MAP4K1: variants seen among roughly 807,000 people sequenced by gnomAD.
MAP4K1 encodes the protein MAPK/ERK kinase kinase kinase 1.
A neutral mutation model predicts 122.8 loss-of-function variants in MAP4K1; 35 were observed. The observed-to-expected ratio is 0.29, with a 90% CI of 0.22 to 0.38. The LOEUF is 0.38. Ranked by LOEUF, MAP4K1 falls within the 10% of genes least tolerant of loss-of-function variation. The pLI is 1.00. For missense variants in MAP4K1, 791 were observed against 1,072.6 expected, an observed-to-expected ratio of 0.74 and a Z score of 3.67; for synonymous variants, 412 against 421.3, an observed-to-expected ratio of 0.98 and a Z score of 0.27.
intron 22 of MAP4K1, among the ~76,000 whole-genome samples, chr19:38,599,431 G>A (rs1974996227): frequency 6.6e-6 from 1 of 151,606 alleles, no homozygotes; most frequent in South Asian, 2.1e-4. Flanking sequence ...GGAGGCCAAG[G>A]CAGTTGGATC....
At chr19:38,605,784 G>T in intron 17 of MAP4K1, 54 bp from the exon 18 acceptor site, 1 of 1,531,300 alleles carries the variant, frequency 6.5e-7, no homozygotes, top group South Asian at 1.2e-5. Context: ...CTCAGAGAGG[G>T]CACCCTTTTG....
chr19:38,602,890 A>G (rs1298497454), intron 19 of MAP4K1, among the ~76,000 whole-genome samples: 1 of 149,448 alleles, frequency 6.7e-6, no homozygotes, highest in Non-Finnish European at 1.5e-5. Context: ...ACTTATATAC[A>G]CATGTACATA....
chr19:38,588,442 G>A (rs1360293958), intron 30 of MAP4K1, among the ~76,000 whole-genome samples: 2 of 152,032 alleles, frequency 1.3e-5, no homozygotes, highest in Admixed American at 1.3e-4. Flanking sequence ...TGTAATCCCA[G>A]CACTTTGGGA....
At chr19:38,607,788 A>C in intron 16 of MAP4K1, 76 bp downstream of exon 16, 1 of 1,511,996 alleles carries the variant, frequency 6.6e-7, no homozygotes, top group Non-Finnish European at 9.0e-7. Context: ...GAGTGGAGGA[A>C]AGGCCACATC....
At chr19:38,605,058 G>C (rs1215060403) in intron 19 of MAP4K1, among the ~76,000 whole-genome samples, 3 of 148,144 alleles carry the variant, frequency 2.0e-5, no homozygotes, top group Non-Finnish European at 4.4e-5. Context: ...CTGTACTCTA[G>C]CCTGGGCAAC....
Position 38,593,303 on chromosome 19 carries a change from A to T in MAP4K1, c.2375T>A (p.Phe792Tyr). 6.2e-7 allele frequency: 1 copy of T among 1,612,466 alleles called. No homozygotes were observed. The highest frequency in any genetic ancestry group is 8.5e-7 in the Non-Finnish European group (1 of 1,179,222). Reference sequence around the variant, plus strand: ...ATACCTGGGGGAGCCAAGCAGACGGAAAGTGAGGGTAGGGTCTCTCAGCTC... The same window carrying T: ...ATACCTGGGGGAGCCAAGCAGACGGTAAGTGAGGGTAGGGTCTCTCAGCTC... Reference protein sequence around the residue: ...LQELRDPTLTFRLLGSPRPVV... With the variant: ...LQELRDPTLTYRLLGSPRPVV... The change falls in exon 30 of 31, where the codon TTC (phenylalanine) becomes TAC (tyrosine). Residue 792 changes from phenylalanine (F) to tyrosine (Y), a missense_variant. This residue lies in a region of MAP4K1 where 267 missense variants were observed against 323.0 expected (regional missense o/e 0.83). Coordinates refer to ENST00000396857, the MANE Select transcript of MAP4K1 (RefSeq NM_001042600.3).
At chr19:38,601,916 C>G (rs1293843921) in intron 19 of MAP4K1, among the ~76,000 whole-genome samples, 1 of 151,660 alleles carries the variant, frequency 6.6e-6, no homozygotes, top group Non-Finnish European at 1.5e-5. Context: ...TAGCTGGGAC[C>G]AAAGGCGTGT....
intron 16 of MAP4K1, among the ~76,000 whole-genome samples, 186 bp downstream of exon 16, chr19:38,607,678 G>A (rs1387842206): frequency 6.6e-6 from 1 of 151,980 alleles, no homozygotes; most frequent in African/African-American, 2.4e-5. Flanking sequence ...GTGGGGTTAG[G>A]GAACAGGGCC....
At chr19:38,602,607 CATAT>C (rs879556292) in intron 19 of MAP4K1, among the ~76,000 whole-genome samples, 2 of 146,064 alleles carry the variant, frequency 1.4e-5, no homozygotes, top group Non-Finnish European at 3.0e-5. Flanking sequence ...TACGCATATA[CATAT>C]ATATACACAT....
chr19:38,599,347 C>CAAAAA (rs35011527), intron 22 of MAP4K1, among the ~76,000 whole-genome samples: 1 of 39,448 alleles, frequency 2.5e-5, no homozygotes, highest in African/African-American at 8.2e-5. Context: ...GACTCGGTCT[C>CAAAAA]AAAAAAAAAA....
At chr19:38,592,895 C>T (rs1258795857) in intron 30 of MAP4K1, among the ~76,000 whole-genome samples, 1 of 151,356 alleles carries the variant, frequency 6.6e-6, no homozygotes, top group Non-Finnish European at 1.5e-5. Flanking sequence ...CCAGCCTGGG[C>T]AACAAAAGCA....
Position 38,596,458 on chromosome 19 carries a change from A to G in MAP4K1, c.1970T>C (p.Leu657Pro). 1 of 1,578,702 alleles carries G rather than the reference A, an allele frequency of 6.3e-7. No individual in the cohort carries two copies. The highest frequency in any genetic ancestry group is 8.6e-7 in the Non-Finnish European group (1 of 1,166,234). Residue 657 changes from leucine (L) to proline (P), a missense_variant, in exon 26 of 31, where the codon CTG (leucine) becomes CCG (proline). Coordinates refer to ENST00000396857, the MANE Select transcript of MAP4K1 (RefSeq NM_001042600.3). The part of the protein sequence containing the change: ...RQVLFPLPTP[L>P]SVFALLTGPG... ...CCCGGTCAGCAGCGCGAACACGGAC[A>G]GAGGCGTCGGCAGTGGGAACAGCAC... is the stretch of plus-strand genomic sequence containing the variant.
intron 16 of MAP4K1, among the ~76,000 whole-genome samples, chr19:38,607,311 A>G (rs1975356735): frequency 6.6e-6 from 1 of 152,088 alleles, no homozygotes; most frequent in South Asian, 2.1e-4. Context: ...CTGTAATCGC[A>G]GCACTTTGGG....
intron 9 of MAP4K1, among the ~76,000 whole-genome samples, chr19:38,611,927 C>T (rs868138969): frequency 2.0e-5 from 3 of 151,938 alleles, no homozygotes; most frequent in Non-Finnish European, 2.9e-5. Flanking sequence ...AGTGAAACCC[C>T]GTCTCTACCA....
intron 19 of MAP4K1, 71 bp downstream of exon 19, chr19:38,605,338 C>CCCCCA: frequency 1.8e-6 from 2 of 1,119,088 alleles, no homozygotes; most frequent in Non-Finnish European, 1.3e-6. Context: ...GTCCTGCCAC[C>CCCCCA]CCCTCCCCAC....
chr19:38,608,111 C>T lies in MAP4K1; in HGVS notation c.1065+1G>A. On this transcript the variant is annotated splice_donor_variant, in intron 14 of 30. Coordinates refer to ENST00000396857, the MANE Select transcript of MAP4K1 (RefSeq NM_001042600.3). LOFTEE classifies it high-confidence loss of function. ...TGGGGAGTGGGGGGACAGCATCTCA[C>T]GGTGTTGGCTGGGGGTCTGGTCTCC... 2.6e-6 allele frequency: 4 copies of T among 1,540,632 alleles called. No individual in the cohort carries two copies. Among genetic ancestry groups the T allele is most frequent in the Non-Finnish European group, 3.5e-6 (4 of 1,145,006 alleles).
At chr19:38,609,843 T>C (rs1439838561) in intron 12 of MAP4K1, 66 bp downstream of exon 12, 2 of 1,455,230 alleles carry the variant, frequency 1.4e-6, no homozygotes, top group Non-Finnish European at 1.9e-6. Flanking sequence ...AAGGCACTGC[T>C]GGCAGCAGGC....
Position 38,605,776 on chromosome 19 carries a change from CAG to C in MAP4K1, c.1201-48_1201-47del, listed in dbSNP as rs758618203. 8.9e-5 allele frequency: 140 copies of C among 1,564,320 alleles called. No individual in the cohort carries two copies. In the South Asian group the frequency reaches 1.6e-3, roughly 18 times the overall value. On this transcript the variant is annotated intron_variant, in intron 17 of 30. Coordinates refer to ENST00000396857, the MANE Select transcript of MAP4K1 (RefSeq NM_001042600.3). ...CGTGGGGAAATACATCAGATGATCT[CAG>C]AGAGGGCACCCTTTTGCAACTCAAG...
chr19:38,617,731 C>A lies in MAP4K1; in HGVS notation c.99+66G>T, dbSNP rs1975692358. 1 of 1,605,260 alleles carries A rather than the reference C, an allele frequency of 6.2e-7. No individual in the cohort carries two copies. Among genetic ancestry groups the A allele is most frequent in the Non-Finnish European group, 8.5e-7 (1 of 1,172,110 alleles). ...CTGGGACCCCCTCTTGCAGCCTCCTCCCTGCCGAGGGCTTGCCTTAAAGGT... is the reference window on the plus strand; with the variant it reads ...CTGGGACCCCCTCTTGCAGCCTCCTACCTGCCGAGGGCTTGCCTTAAAGGT... On this transcript the variant is annotated intron_variant, in intron 1 of 30. Transcript: ENST00000396857. This position sits in a 1 kb window ranked among gnomAD's most constrained non-coding sequence, Gnocchi z 4.1.
Sources: allele counts gnomAD v4.1 joint callset (sites outside exome capture counted in the v4.1 genomes callset), GRCh38; gene constraint gnomAD v4.1.1; regional missense constraint gnomAD v4.1.1; non-coding constraint Gnocchi (gnomAD v3.1); transcripts MANE v1.5; gene names NCBI Gene and HGNC (gene_info 2026-07-23, HGNC 2026-07-21).